Variants in COBL observed in about 807,000 individuals in gnomAD.
COBL encodes protein cordon-bleu.
COBL carries 51 observed loss-of-function variants against 98.8 expected under a neutral mutation model. The observed-to-expected ratio is 0.52, with a 90% CI of 0.41 to 0.65. The LOEUF is 0.65. Ranked by LOEUF, COBL falls within the 30% of genes least tolerant of loss-of-function variation. The pLI, the probability that COBL is intolerant of heterozygous loss-of-function variation, is 0.00. For missense variants in COBL, 1,617 were observed against 1,617.5 expected (o/e 1.00, Z 0.01); for synonymous variants, 634 against 651.7 (o/e 0.97, Z 0.41).
chr7:51,141,127 A>T (rs78664439), intron 5 of COBL, among the ~76,000 whole-genome samples: 2,404 of 138,964 alleles, frequency 0.017, 98 homozygotes, highest in East Asian at 0.16. Context: ...AAATCGATTT[A>T]AAAAAAAAAA....
At chr7:51,238,000 G>A (rs1217479554) in intron 1 of COBL, among the ~76,000 whole-genome samples, 3 of 152,160 alleles carry the variant, frequency 2.0e-5, no homozygotes, top group African/African-American at 7.2e-5. Flanking sequence ...TCCAGGGCAT[G>A]CCCCTCAGGT....
At chr7:51,208,387 G>T (rs921321199) in intron 2 of COBL, among the ~76,000 whole-genome samples, 1 of 124,916 alleles carries the variant, frequency 8.0e-6, no homozygotes, top group Non-Finnish European at 1.8e-5. Flanking sequence ...GGAGGGAGGT[G>T]GGGGGGGTCA....
At chr7:51,280,310 G>A (rs1335606431) in intron 1 of COBL, among the ~76,000 whole-genome samples, 1 of 152,168 alleles carries the variant, frequency 6.6e-6, no homozygotes. Context: ...TGTTTAATGA[G>A]GAGGGAGAAT....
At position 51,316,809 on chromosome 7, in the gene COBL, T is replaced by G; in HGVS notation, c.-176A>C. On this transcript the variant is annotated 5_prime_UTR_variant, in exon 1 of 13. Transcript: ENST00000265136. ...GGACGGAAGGGGCTGGAATCGTCTC[T>G]AGCGGGCGGGGGCGCCGGGAGCGCA... The G allele has an allele frequency of 7.4e-6, 3 of 403,054 alleles. No homozygotes were observed. The highest frequency in any genetic ancestry group is 1.2e-5 in the Non-Finnish European group (3 of 253,682). The allele number at this position is 403,054 out of a possible 1,614,324, so 25.0% of individuals were successfully genotyped here.
At chr7:51,108,361 G>A (rs1449424420) in intron 6 of COBL, among the ~76,000 whole-genome samples, 1 of 152,116 alleles carries the variant, frequency 6.6e-6, no homozygotes, top group Admixed American at 6.5e-5. Flanking sequence ...AATACACCAC[G>A]CTTTATGTGC....
At position 51,316,663 on chromosome 7, in the gene COBL, TC is replaced by T; in HGVS notation, c.-31del. The T allele has an allele frequency of 8.4e-7, 1 of 1,190,986 alleles. No individual in the cohort carries two copies. The highest frequency in any genetic ancestry group is 1.0e-6 in the Non-Finnish European group (1 of 961,368). 73.8% of individuals were successfully genotyped at this position (1,190,986 alleles called of 1,614,324 possible). On this transcript the variant is annotated 5_prime_UTR_variant, in exon 1 of 13. Coordinates refer to ENST00000265136, the MANE Select transcript of COBL (RefSeq NM_015198.5). ...CCGGGGGCCGGGACGCGGGCGGTGC[TC>T]CGGGCCCGCCGAGTCAGGCGCTGGC...
At chr7:51,225,726 G>A (rs778007867) in intron 1 of COBL, among the ~76,000 whole-genome samples, 44 of 152,252 alleles carry the variant, frequency 2.9e-4, no homozygotes, top group Non-Finnish European at 5.6e-4. Flanking sequence ...TCAGGATGAC[G>A]CTTGTTAATT....
At chr7:51,114,761 C>G (rs761117410) in intron 6 of COBL, among the ~76,000 whole-genome samples, 1 of 152,150 alleles carries the variant, frequency 6.6e-6, no homozygotes, top group South Asian at 2.1e-4. Context: ...AACTAACTAC[C>G]CTGTTACGTC....
intron 6 of COBL, among the ~76,000 whole-genome samples, chr7:51,105,683 C>A (rs115498401): frequency 1.3e-5 from 2 of 151,120 alleles, no homozygotes; most frequent in Non-Finnish European, 3.0e-5. Flanking sequence ...CCCAGTAGTT[C>A]GAGGCTGCAG....
At chr7:51,222,835 G>A (rs1180114701) in intron 1 of COBL, among the ~76,000 whole-genome samples, 5 of 152,136 alleles carry the variant, frequency 3.3e-5, no homozygotes, top group East Asian at 1.9e-4. Context: ...TCATTTAGCC[G>A]GCACCACAAT....
At chr7:51,262,451 C>T (rs1368384728) in intron 1 of COBL, among the ~76,000 whole-genome samples, 1 of 152,180 alleles carries the variant, frequency 6.6e-6, no homozygotes, top group African/African-American at 2.4e-5. Flanking sequence ...AACAGTTCCA[C>T]AGCGAGGTGG....
intron 7 of COBL, among the ~76,000 whole-genome samples, chr7:51,083,684 C>T (rs1225992761): frequency 6.6e-6 from 1 of 152,180 alleles, no homozygotes; most frequent in East Asian, 1.9e-4. Flanking sequence ...ATTAAGCATT[C>T]ATTTAGCTTA....
intron 2 of COBL, among the ~76,000 whole-genome samples, chr7:51,198,173 C>T (rs1416385109): frequency 6.6e-6 from 1 of 152,166 alleles, no homozygotes; most frequent in Non-Finnish European, 1.5e-5. Context: ...TTAGTGCTTG[C>T]TTCAGGAGCT....
At chr7:51,123,206 A>G (rs1011422656) in intron 6 of COBL, among the ~76,000 whole-genome samples, 1 of 152,202 alleles carries the variant, frequency 6.6e-6, no homozygotes, top group Non-Finnish European at 1.5e-5. Context: ...TCCGTATCTG[A>G]GCAAAACTGA....
At chr7:51,042,354 G>GT (rs1789281549) in intron 8 of COBL, among the ~76,000 whole-genome samples, 1 of 152,152 alleles carries the variant, frequency 6.6e-6, no homozygotes, top group Non-Finnish European at 1.5e-5. Context: ...ACATAACAAT[G>GT]TTTAATTTAA....
In COBL at chr7:51,017,200, C is replaced by T; in HGVS notation, c.*351G>A. The stretch of plus-strand genomic sequence containing the variant: ...GGTAAAAGTCTCAAAGGTCCAAAAT[C>T]AGTCTAAGGCATGATTCTTTTTACT... On this transcript the variant is annotated 3_prime_UTR_variant, in exon 13 of 13. Coordinates refer to ENST00000265136, the MANE Select transcript of COBL (RefSeq NM_015198.5). 2 of 496,802 alleles carry T rather than the reference C, an allele frequency of 4.0e-6. No individual in the cohort carries two copies. Among genetic ancestry groups the T allele is most frequent in the Non-Finnish European group, 7.0e-6 (2 of 284,416 alleles). 30.8% of individuals were successfully genotyped at this position (496,802 alleles called of 1,614,324 possible).
At chr7:51,247,653 C>A (rs1796369188) in intron 1 of COBL, among the ~76,000 whole-genome samples, 1 of 152,116 alleles carries the variant, frequency 6.6e-6, no homozygotes. Flanking sequence ...GGGAGTCTTT[C>A]TCCTCCACCT....
intron 5 of COBL, among the ~76,000 whole-genome samples, chr7:51,151,045 A>C (rs1437199092): frequency 6.6e-6 from 1 of 152,172 alleles, no homozygotes; most frequent in Non-Finnish European, 1.5e-5. Flanking sequence ...TCAGGGCAAG[A>C]AAATGAGTCA....
intron 7 of COBL, among the ~76,000 whole-genome samples, chr7:51,045,615 C>G (rs1789614611): frequency 6.6e-6 from 1 of 152,162 alleles, no homozygotes; most frequent in African/African-American, 2.4e-5. Flanking sequence ...CAAATGTGTC[C>G]CCACTAGCTG....
Sources: allele counts gnomAD v4.1 joint callset (sites outside exome capture counted in the v4.1 genomes callset), GRCh38; gene constraint gnomAD v4.1.1; transcripts MANE v1.5; gene names NCBI Gene and HGNC (gene_info 2026-07-23, HGNC 2026-07-21).